CDK14: variants seen among roughly 807,000 people sequenced by gnomAD.
CDK14 encodes cyclin dependent kinase 14.
In CDK14, 34 loss-of-function variants were observed where a neutral mutation model predicts 60.7. That is an observed-to-expected ratio of 0.56 (90% confidence interval 0.43 to 0.75). The LOEUF (loss-of-function observed/expected upper bound fraction) is 0.75. Ranked by LOEUF, CDK14 falls within the 30% of genes least tolerant of loss-of-function variation. The pLI, the probability that CDK14 is intolerant of heterozygous loss-of-function variation, is 0.00. For missense variants in CDK14, 482 were observed against 564.1 expected (o/e 0.85, Z 1.47); for synonymous variants, 197 against 203.7 (o/e 0.97, Z 0.28).
intron 14 of CDK14, among the ~76,000 whole-genome samples, chr7:91,142,257 C>G (rs1800491037): frequency 6.6e-6 from 1 of 152,188 alleles, no homozygotes; most frequent in African/African-American, 2.4e-5. Context: ...CCACTTTGGG[C>G]ATTCTCTAAC....
chr7:90,861,264 G>A (rs1790999226), intron 5 of CDK14, among the ~76,000 whole-genome samples: 1 of 152,126 alleles, frequency 6.6e-6, no homozygotes, highest in African/African-American at 2.4e-5. Flanking sequence ...GACAATTAAT[G>A]ATGCCTTTCT....
intron 8 of CDK14, among the ~76,000 whole-genome samples, chr7:90,936,914 A>G (rs1467702355): frequency 6.6e-6 from 1 of 151,590 alleles, no homozygotes; most frequent in Non-Finnish European, 1.5e-5. Flanking sequence ...CTCTATCTCT[A>G]CAATTTTTTT....
At chr7:90,667,130 A>G (rs1395802019) in intron 2 of CDK14, among the ~76,000 whole-genome samples, 1 of 152,204 alleles carries the variant, frequency 6.6e-6, no homozygotes, top group Non-Finnish European at 1.5e-5. Flanking sequence ...ACTGTTTTAA[A>G]GCATAGCCAA....
At chr7:90,709,402 C>T (rs1002977329) in intron 2 of CDK14, 1 of 1,400,910 alleles carries the variant, frequency 7.1e-7, no homozygotes, top group Admixed American at 3.2e-5. Context: ...TGAGGTGCAT[C>T]CCCTTGATTA....
At chr7:91,057,425 C>G (rs1357158270) in intron 11 of CDK14, among the ~76,000 whole-genome samples, 1 of 152,074 alleles carries the variant, frequency 6.6e-6, no homozygotes, top group Non-Finnish European at 1.5e-5. Flanking sequence ...TCCCATTTGT[C>G]AATTTTGGCT....
intron 5 of CDK14, among the ~76,000 whole-genome samples, chr7:90,803,035 G>A (rs570882019): frequency 4.4e-4 from 67 of 152,102 alleles, no homozygotes; most frequent in African/African-American, 1.1e-3. Context: ...ACTTTAATAC[G>A]CTGTTTGGAA....
chr7:91,078,102 T>A (rs892173603), intron 11 of CDK14, among the ~76,000 whole-genome samples: 1 of 152,096 alleles, frequency 6.6e-6, no homozygotes, highest in Admixed American at 6.6e-5. Flanking sequence ...AAATGTAAAA[T>A]ATGCATACCG....
chr7:90,898,648 G>A (rs1226474258), intron 6 of CDK14, among the ~76,000 whole-genome samples: 2 of 151,976 alleles, frequency 1.3e-5, no homozygotes, highest in African/African-American at 4.8e-5. Flanking sequence ...TTTACTTGTG[G>A]ACAAATCGAG....
At chr7:91,126,137 C>T (rs969056385) in intron 14 of CDK14, among the ~76,000 whole-genome samples, 4 of 152,142 alleles carry the variant, frequency 2.6e-5, no homozygotes, top group Admixed American at 2.0e-4. Context: ...TAACCATCTC[C>T]GGGATCATTC....
intron 5 of CDK14, among the ~76,000 whole-genome samples, chr7:90,859,340 T>C (rs952392807): frequency 2.0e-5 from 3 of 152,200 alleles, no homozygotes; most frequent in Non-Finnish European, 2.9e-5. Flanking sequence ...GCAGTAACAA[T>C]AGTTCTGATA....
chr7:90,667,398 ATCC>A (rs1187650136), intron 2 of CDK14, among the ~76,000 whole-genome samples: 1 of 152,094 alleles, frequency 6.6e-6, no homozygotes, highest in African/African-American at 2.4e-5. Context: ...CATTTTTATT[ATCC>A]TAAAAGGTAC....
intron 2 of CDK14, among the ~76,000 whole-genome samples, chr7:90,641,974 C>G (rs1158201924): frequency 6.6e-6 from 1 of 152,154 alleles, no homozygotes; most frequent in Non-Finnish European, 1.5e-5. Context: ...ACCATCAGAT[C>G]TTGTGAGACT....
intron 2 of CDK14, among the ~76,000 whole-genome samples, chr7:90,664,264 G>A (rs1454153739): frequency 3.3e-5 from 5 of 152,156 alleles, no homozygotes; most frequent in Non-Finnish European, 5.9e-5. Flanking sequence ...AGTTAGAAAG[G>A]CAATCATTAA....
intron 14 of CDK14, among the ~76,000 whole-genome samples, chr7:91,122,426 AACACAATGC>A (rs1447449178): frequency 6.6e-6 from 1 of 152,220 alleles, no homozygotes; most frequent in Admixed American, 6.5e-5. Context: ...TTTTAGACAG[AACACAATGC>A]ACTGGTGCTT....
chr7:90,859,083 A>G (rs186183528), intron 5 of CDK14, among the ~76,000 whole-genome samples: 5 of 152,202 alleles, frequency 3.3e-5, no homozygotes, highest in African/African-American at 1.2e-4. Context: ...CTCCTGGCAG[A>G]TATGTGTAGG....
At chr7:90,707,489 G>C (rs1801924668) in intron 2 of CDK14, among the ~76,000 whole-genome samples, 1 of 151,928 alleles carries the variant, frequency 6.6e-6, no homozygotes, top group Non-Finnish European at 1.5e-5. Context: ...CCATTACCCT[G>C]TCGTAAGATG....
chr7:90,649,300 C>CTT (rs1361309324), intron 2 of CDK14, among the ~76,000 whole-genome samples: 2 of 70,634 alleles, frequency 2.8e-5, no homozygotes, highest in East Asian at 1.1e-3. Flanking sequence ...TTCTTTCTTT[C>CTT]TTTCTTTCTT....
chr7:90,680,609 A>G (rs4728920), intron 2 of CDK14, among the ~76,000 whole-genome samples: 60,506 of 152,024 alleles, frequency 0.4, 12,621 homozygotes, highest in East Asian at 0.67. Context: ...TTCCCTCTGC[A>G]GGCTCTTCAT....
At chr7:90,654,711 A>G (rs1169834489) in intron 2 of CDK14, among the ~76,000 whole-genome samples, 1 of 152,162 alleles carries the variant, frequency 6.6e-6, no homozygotes, top group Non-Finnish European at 1.5e-5. Flanking sequence ...AGGAAAATTG[A>G]ACAGAAAGTA....
Sources: gnomAD v4.1 joint callset for allele counts (sites outside exome capture counted in the v4.1 genomes callset) on GRCh38, gnomAD v4.1.1 for gene constraint, MANE v1.5 for transcripts, NCBI Gene and HGNC (gene_info 2026-07-23, HGNC 2026-07-21) for gene names.